Variants in CCDC178 observed in about 807,000 individuals in gnomAD.
The protein encoded by CCDC178 is coiled-coil domain-containing protein 178.
CCDC178 carries 126 observed loss-of-function variants against 117.4 expected under a neutral mutation model. The observed-to-expected ratio is 1.07, with a 90% confidence interval of 0.93 to 1.24. CCDC178 has a LOEUF of 1.24. Among genes scored for constraint, CCDC178 ranks in the 50% most tolerant of loss-of-function variants. CCDC178 has a pLI of 0.00. For missense variants in CCDC178, 1,030 were observed against 986.9 expected (o/e 1.04, Z -0.59); for synonymous variants, 283 against 313.4 (o/e 0.90, Z 1.02).
At chr18:33,074,585 T>A (rs1308479123) in intron 21 of CCDC178, among the ~76,000 whole-genome samples, 3 of 152,054 alleles carry the variant, frequency 2.0e-5, no homozygotes, top group African/African-American at 7.2e-5. Flanking sequence ...CTGAGCAGAG[T>A]AAAAGCTGCT....
chr18:32,993,172 A>G (rs2055429917), intron 21 of CCDC178, among the ~76,000 whole-genome samples: 1 of 152,128 alleles, frequency 6.6e-6, no homozygotes, highest in African/African-American at 2.4e-5. Context: ...TCTGAAGAAA[A>G]AAAAAATTAA....
At chr18:33,159,198 C>T (rs1281374870) in intron 20 of CCDC178, among the ~76,000 whole-genome samples, 1 of 151,940 alleles carries the variant, frequency 6.6e-6, no homozygotes, top group Non-Finnish European at 1.5e-5. Flanking sequence ...CTGATTGTAA[C>T]AATAAATAAT....
chr18:33,035,477 T>C (rs1172822736), intron 21 of CCDC178, among the ~76,000 whole-genome samples: 3 of 152,010 alleles, frequency 2.0e-5, no homozygotes, highest in African/African-American at 7.2e-5. Flanking sequence ...CGTGGATGAA[T>C]CTTGAAAACA....
At chr18:33,075,044 A>C (rs776527442) in intron 21 of CCDC178, among the ~76,000 whole-genome samples, 1 of 152,200 alleles carries the variant, frequency 6.6e-6, no homozygotes, top group East Asian at 1.9e-4. Context: ...TCCAGAGCAC[A>C]AATGAAAAGA....
chr18:32,976,457 T>C (rs935430310), intron 21 of CCDC178, among the ~76,000 whole-genome samples: 12 of 152,122 alleles, frequency 7.9e-5, no homozygotes, highest in African/African-American at 2.9e-4. Flanking sequence ...TTACCTAATG[T>C]ATGCATCAAT....
At chr18:33,084,031 C>G (rs1459645634) in intron 21 of CCDC178, among the ~76,000 whole-genome samples, 2 of 152,122 alleles carry the variant, frequency 1.3e-5, no homozygotes, top group Non-Finnish European at 2.9e-5. Context: ...TGCTGCATTT[C>G]TTTGCATTTT....
Position 33,248,030 on chromosome 18 carries a change from C to A in CCDC178, c.1410-2602G>T, listed in dbSNP as rs144679103. On this transcript the variant is annotated intron_variant, in intron 14 of 22. Transcript: ENST00000383096. ...CAGATAACAAAATCAATTGTGAGTA[C>A]TGAACATTATAAAAATAAAAAATCT... 5.4e-3 allele frequency among the ~76,000 whole-genome samples: 817 copies of A among 151,596 alleles called. 8 individuals carry two copies. Among genetic ancestry groups the A allele is most frequent in the Middle Eastern group, 0.024 (7 of 292 alleles).
At chr18:33,175,350 AG>A (rs2058652241) in intron 20 of CCDC178, among the ~76,000 whole-genome samples, 1 of 151,918 alleles carries the variant, frequency 6.6e-6, no homozygotes, top group South Asian at 2.1e-4. Context: ...ATTTTTTTCT[AG>A]ATAAAGTTGT....
chr18:33,053,913 A>T (rs1470873163), intron 21 of CCDC178, among the ~76,000 whole-genome samples: 2 of 152,216 alleles, frequency 1.3e-5, no homozygotes, highest in Non-Finnish European at 2.9e-5. Flanking sequence ...CAAAATAATA[A>T]GTACATAAAA....
intron 10 of CCDC178, among the ~76,000 whole-genome samples, chr18:33,327,317 T>C (rs2062597957): frequency 6.6e-6 from 1 of 152,214 alleles, no homozygotes. Context: ...TTCATTCCAT[T>C]GATATATTGC....
rs573635955 is a variant in CCDC178, at chr18:32,995,574, C to A, written c.2389-20893G>T. 3.3e-5 allele frequency among the ~76,000 whole-genome samples: 5 copies of A among 152,090 alleles called. No homozygotes were observed. The South Asian group carries it at 8.3e-4, about 25-fold the overall frequency. On this transcript the variant is annotated intron_variant, in intron 21 of 22. Transcript: ENST00000383096. ...GGTACCCTATAAAATGGCTAAGCTG[C>A]CTCTATTTCTAACATAAAAATATTA...
At chr18:33,270,433 G>A (rs557754671) in intron 12 of CCDC178, among the ~76,000 whole-genome samples, 2 of 151,528 alleles carry the variant, frequency 1.3e-5, no homozygotes, top group South Asian at 2.1e-4. Context: ...ATATATACTC[G>A]AGATACATCA....
chr18:33,021,634 A>C (rs2056119868), intron 21 of CCDC178, among the ~76,000 whole-genome samples: 1 of 152,210 alleles, frequency 6.6e-6, no homozygotes, highest in Non-Finnish European at 1.5e-5. Context: ...TCTTGATCCA[A>C]GTTTCTTGAA....
intron 21 of CCDC178, among the ~76,000 whole-genome samples, chr18:33,080,281 A>T (rs908831182): frequency 1.3e-5 from 2 of 152,160 alleles, no homozygotes; most frequent in Non-Finnish European, 2.9e-5. Flanking sequence ...TTGAGGGTGG[A>T]GGGTGGGAGT....
At chr18:33,228,860 A>G (rs2059338801) in intron 15 of CCDC178, among the ~76,000 whole-genome samples, 1 of 152,210 alleles carries the variant, frequency 6.6e-6, no homozygotes, top group Non-Finnish European at 1.5e-5. Context: ...TACCCAAAGC[A>G]CTGGGAAAAT....
intron 21 of CCDC178, among the ~76,000 whole-genome samples, chr18:33,028,579 A>AT (rs911309852): frequency 6.6e-6 from 1 of 151,598 alleles, no homozygotes; most frequent in Non-Finnish European, 1.5e-5. Context: ...TTTGGTTTTT[A>AT]TTTTTTTGAT....
intron 20 of CCDC178, among the ~76,000 whole-genome samples, chr18:33,120,124 T>G (rs533432097): frequency 6.6e-6 from 1 of 152,102 alleles, no homozygotes; most frequent in South Asian, 2.1e-4. Context: ...ACATGGCACA[T>G]GTATACATAT....
intron 20 of CCDC178, among the ~76,000 whole-genome samples, chr18:33,182,741 C>G (rs2058745654): frequency 6.6e-6 from 1 of 151,888 alleles, no homozygotes; most frequent in East Asian, 1.9e-4. Context: ...AAGTGTAACT[C>G]TAAAATCATT....
rs762681603 is a variant in CCDC178, at chr18:33,245,270, A to G, written c.1568T>C (p.Ile523Thr). The part of the protein sequence containing the change: ...KHKTDEMEDK[I>T]AEVRRKFKGR... The stretch of plus-strand genomic sequence containing the variant: ...CTTGAACTTTCTTCTCACTTCTGCT[A>G]TTTTATCTTCCATTTCATCTGTCTT... The change falls in exon 15 of 23, where the codon ATA becomes ACA. Residue 523 changes from isoleucine to threonine, a missense_variant. Transcript: ENST00000383096. The G allele has an allele frequency of 6.3e-7, 1 of 1,593,440 alleles. No homozygotes were observed. Among genetic ancestry groups the G allele is most frequent in the South Asian group, 1.2e-5 (1 of 85,568 alleles).
Sources: gnomAD v4.1 joint callset for allele counts (sites outside exome capture counted in the v4.1 genomes callset) on GRCh38, gnomAD v4.1.1 for gene constraint, MANE v1.5 for transcripts, NCBI Gene and HGNC (gene_info 2026-07-23, HGNC 2026-07-21) for gene names.